LRIG1: variants seen among roughly 807,000 people sequenced by gnomAD.
The protein encoded by LRIG1 is leucine-rich repeats and immunoglobulin-like domains protein 1.
In LRIG1, 48 loss-of-function variants were observed where a neutral mutation model predicts 99.2. That is an observed-to-expected ratio of 0.48 (90% confidence interval 0.38 to 0.62). LRIG1 has a LOEUF of 0.62. LRIG1 is among the 20% of genes least tolerant of loss of function. The pLI, the probability that LRIG1 is intolerant of heterozygous loss-of-function variation, is 0.00. For missense variants in LRIG1, 1,646 were observed against 1,434.4 expected, an observed-to-expected ratio of 1.15 and a Z score of -2.38; for synonymous variants, 772 against 596.1, an observed-to-expected ratio of 1.29 and a Z score of -4.30.
chr3:66,474,771 C>A (rs1471023826), intron 1 of LRIG1, among the ~76,000 whole-genome samples: 1 of 152,178 alleles, frequency 6.6e-6, no homozygotes, highest in Non-Finnish European at 1.5e-5. Context: ...AGGGTGGACC[C>A]TAGCGGCAAA....
chr3:66,384,682 G>C (rs1182836218), intron 13 of LRIG1, among the ~76,000 whole-genome samples: 1 of 151,588 alleles, frequency 6.6e-6, no homozygotes, highest in Non-Finnish European at 1.5e-5. Context: ...GGAGAGCAAT[G>C]GGATGGCTCA....
chr3:66,407,911 C>G (rs1041339880), intron 7 of LRIG1, among the ~76,000 whole-genome samples: 2 of 152,218 alleles, frequency 1.3e-5, no homozygotes, highest in Non-Finnish European at 2.9e-5. Context: ...AGCCAGGGAG[C>G]CCCAGTCACA....
intron 9 of LRIG1, 97 bp from the exon 10 acceptor site, chr3:66,399,138 G>C: frequency 1.0e-6 from 1 of 992,498 alleles, no homozygotes; most frequent in Non-Finnish European, 1.6e-6. Context: ...ACACAATTAA[G>C]GTAGTGCTAC....
chr3:66,384,604 C>A (rs1390961806), intron 13 of LRIG1, among the ~76,000 whole-genome samples: 1 of 151,952 alleles, frequency 6.6e-6, no homozygotes. Flanking sequence ...TGCTTGCCTG[C>A]TTTACCCACC....
intron 12 of LRIG1, among the ~76,000 whole-genome samples, chr3:66,392,607 G>C (rs1340502552): frequency 6.7e-6 from 1 of 149,152 alleles, no homozygotes; most frequent in Non-Finnish European, 1.5e-5. Flanking sequence ...TTTAGAGGGG[G>C]GGAAGCTTGA....
At chr3:66,460,924 G>C (rs1700341488) in intron 2 of LRIG1, among the ~76,000 whole-genome samples, 1 of 152,204 alleles carries the variant, frequency 6.6e-6, no homozygotes. Context: ...GGAGAATCTG[G>C]AGATGAGGGT....
chr3:66,421,888 T>C (rs1462258924), intron 3 of LRIG1, among the ~76,000 whole-genome samples: 2 of 152,244 alleles, frequency 1.3e-5, no homozygotes, highest in African/African-American at 2.4e-5. Flanking sequence ...CTCTGAAATC[T>C]AGGCAGAGGT....
chr3:66,393,253 C>T (rs1701695005), intron 12 of LRIG1, among the ~76,000 whole-genome samples: 1 of 152,202 alleles, frequency 6.6e-6, no homozygotes, highest in South Asian at 2.1e-4. Flanking sequence ...CCAGTGAGCA[C>T]AAAAGGCAGG....
At chr3:66,477,889 G>C (rs1700759444) in intron 1 of LRIG1, among the ~76,000 whole-genome samples, 1 of 152,078 alleles carries the variant, frequency 6.6e-6, no homozygotes, top group South Asian at 2.1e-4. Context: ...TGTAGGATAG[G>C]AGGATTACCA....
Position 66,481,523 on chromosome 3 carries a change from A to T in LRIG1, c.218+18667T>A, listed in dbSNP as rs542920695. Among the ~76,000 whole-genome samples the T allele has an allele frequency of 3.7e-5, 5 of 135,320 alleles. No individual in the cohort carries two copies. The East Asian group carries it at 9.7e-4, about 26-fold the overall frequency. 88.8% of individuals were successfully genotyped at this position (135,320 alleles called of 152,430 possible). On this transcript the variant is annotated intron_variant, in intron 1 of 18. Transcript: ENST00000273261. ...TGCACAGACCGGAGGGTTTATGTAC[A>T]CACACACACACACACACGTGTATAC...
At chr3:66,493,744 C>T (rs1184370120) in intron 1 of LRIG1, among the ~76,000 whole-genome samples, 1 of 151,618 alleles carries the variant, frequency 6.6e-6, no homozygotes, top group Non-Finnish European at 1.5e-5. Flanking sequence ...TGCAGTGAGT[C>T]TTGATTGCAC....
At chr3:66,415,525 T>C (rs1419681274) in intron 4 of LRIG1, among the ~76,000 whole-genome samples, 1 of 152,240 alleles carries the variant, frequency 6.6e-6, no homozygotes, top group African/African-American at 2.4e-5. Context: ...GAGGTGGGTC[T>C]TGCTATATGA....
intron 3 of LRIG1, among the ~76,000 whole-genome samples, chr3:66,450,334 C>T (rs1167110594): frequency 2.6e-5 from 4 of 152,144 alleles, no homozygotes; most frequent in Non-Finnish European, 4.4e-5. Flanking sequence ...AACACTCCCA[C>T]AGAATGCTGG....
intron 1 of LRIG1, among the ~76,000 whole-genome samples, chr3:66,483,561 T>C (rs1700899604): frequency 6.6e-6 from 1 of 152,220 alleles, no homozygotes; most frequent in Non-Finnish European, 1.5e-5. Flanking sequence ...GGCCTGGTCA[T>C]CCTTTTTGTC....
intron 3 of LRIG1, among the ~76,000 whole-genome samples, chr3:66,420,167 C>T (rs777210177): frequency 3.9e-5 from 6 of 152,182 alleles, no homozygotes; most frequent in Non-Finnish European, 5.9e-5. Context: ...AGAAAACACA[C>T]AAATGGCCAA....
intron 3 of LRIG1, among the ~76,000 whole-genome samples, chr3:66,449,653 G>A (rs567955888): frequency 1.3e-5 from 2 of 152,318 alleles, no homozygotes; most frequent in African/African-American, 4.8e-5. Context: ...CACCTGCCAC[G>A]CTCCTGCCCC....
intron 15 of LRIG1, 21 bp from the exon 16 acceptor site, chr3:66,382,419 T>C (rs755882833): frequency 3.7e-6 from 6 of 1,614,012 alleles, no homozygotes; most frequent in African/African-American, 2.7e-5. Flanking sequence ...ACAGAACAAA[T>C]AGAACACCAG....
At chr3:66,414,463 T>C (rs1702562864) in intron 5 of LRIG1, among the ~76,000 whole-genome samples, 1 of 152,028 alleles carries the variant, frequency 6.6e-6, no homozygotes, top group Non-Finnish European at 1.5e-5. Flanking sequence ...ATTAAAGATA[T>C]GAAGACAAAG....
chr3:66,383,289 C>G lies in LRIG1; in HGVS notation c.2184G>C (p.Lys728Asn). The G allele has an allele frequency of 2.5e-6, 4 of 1,612,180 alleles. No homozygotes were observed. The highest frequency in any genetic ancestry group is 3.4e-6 in the Non-Finnish European group (4 of 1,178,300). ...GNPPPRITWF[K>N]GDRPLSLTER... is the part of the protein sequence containing the mutation. ...CAGTGAGGCTCAGCGGGCGGTCCCC[C>G]TTGAACCAGGTGATGCGGGGCGGAG... The change falls in exon 15 of 19, where the codon AAG (lysine) becomes AAC (asparagine). Residue 728 changes from lysine (K) to asparagine (N), a missense_variant. Coordinates refer to ENST00000273261, the MANE Select transcript of LRIG1 (RefSeq NM_015541.3).
Sources: allele counts gnomAD v4.1 joint callset (sites outside exome capture counted in the v4.1 genomes callset), GRCh38; gene constraint gnomAD v4.1.1; transcripts MANE v1.5; gene names NCBI Gene and HGNC (gene_info 2026-07-23, HGNC 2026-07-21).